RBFOX2: variants seen among roughly 807,000 people sequenced by gnomAD.
RBFOX2 encodes RNA binding protein fox-1 homolog 2.
In RBFOX2, 10 loss-of-function variants were observed where a neutral mutation model predicts 49.1. The ratio of observed to expected loss-of-function variants is 0.20; its 90% CI spans 0.13 to 0.35. RBFOX2 has a LOEUF of 0.35. Among genes scored for constraint, RBFOX2 ranks in the 10% least tolerant of loss-of-function variants. The probability of loss-of-function intolerance (pLI) is 1.00; values close to 1 mark genes in which losing one functional copy is unlikely to be tolerated. For missense variants in RBFOX2, 323 were observed against 486.9 expected (o/e 0.66, Z 3.17); for synonymous variants, 183 against 187.4 (o/e 0.98, Z 0.19).
upstream of RBFOX2, among the ~76,000 whole-genome samples, chr22:35,941,857 GCACTCTTCTTTATTTCCTACCTCT>G (rs1370622616): frequency 1.3e-5 from 2 of 152,160 alleles, no homozygotes; most frequent in Non-Finnish European, 2.9e-5. Flanking sequence ...ACCTGCCTTA[GCACTCTTCTTTATTTCCTACCTCT>G]CAGATAAGGC....
At chr22:35,856,649 A>G (rs1453413275) in intron 1 of RBFOX2, among the ~76,000 whole-genome samples, 7 of 151,856 alleles carry the variant, frequency 4.6e-5, no homozygotes, top group Admixed American at 1.3e-4. Flanking sequence ...AAAAAAGAGC[A>G]AAAGAGCTAG....
At position 35,781,486 on chromosome 22, in the gene RBFOX2, G is replaced by C. The variant is rs932324578; in HGVS notation, c.399+114C>G. 5.2e-6 allele frequency: 7 copies of C among 1,337,414 alleles called. No individual in the cohort carries two copies. In the African/African-American group the frequency reaches 1.0e-4, roughly 20 times the overall value. The allele number at this position is 1,337,414 out of a possible 1,614,324, so 82.8% of individuals were successfully genotyped here. On this transcript the variant is annotated intron_variant, in intron 3 of 11. Coordinates refer to ENST00000405409, the Ensembl canonical transcript of RBFOX2. ...CTGATGAAAAGACTGATTTACCTCA[G>C]GTTCTTTCAATCTATTTGTAGTTTA...
intron 1 of RBFOX2, among the ~76,000 whole-genome samples, chr22:35,982,691 T>C (rs1407307090): frequency 1.3e-5 from 2 of 152,084 alleles, no homozygotes; most frequent in African/African-American, 2.4e-5. Flanking sequence ...CAATGGAACA[T>C]GTTGAGTGCA....
At chr22:36,020,774 AG>A (rs1346519185) in intron 1 of RBFOX2, among the ~76,000 whole-genome samples, 1 of 152,244 alleles carries the variant, frequency 6.6e-6, no homozygotes, top group Non-Finnish European at 1.5e-5. Flanking sequence ...GTGGAGAAAT[AG>A]GAACACTTTT....
At chr22:35,867,446 T>C (rs906025482) in intron 1 of RBFOX2, among the ~76,000 whole-genome samples, 1 of 152,228 alleles carries the variant, frequency 6.6e-6, no homozygotes, top group Non-Finnish European at 1.5e-5. Flanking sequence ...TTTCTTCCTT[T>C]GGAGTTACCA....
At chr22:35,834,004 T>C (rs186208172) in intron 1 of RBFOX2, among the ~76,000 whole-genome samples, 9 of 152,344 alleles carry the variant, frequency 5.9e-5, no homozygotes, top group Admixed American at 5.2e-4. Context: ...ACTGCAAGTG[T>C]TTTATCAAAG....
At chr22:35,883,075 G>A (rs2046127038) in intron 1 of RBFOX2, among the ~76,000 whole-genome samples, 1 of 152,158 alleles carries the variant, frequency 6.6e-6, no homozygotes, top group African/African-American at 2.4e-5. Flanking sequence ...TCAACACTGG[G>A]AAAAGAATTC....
intron 1 of RBFOX2, among the ~76,000 whole-genome samples, chr22:35,937,551 C>T (rs1253293542): frequency 2.0e-5 from 3 of 152,034 alleles, no homozygotes; most frequent in Non-Finnish European, 2.9e-5. Flanking sequence ...GATTATCAAC[C>T]ATCCTAGTTT....
At chr22:35,883,555 C>T (rs969038790) in intron 1 of RBFOX2, among the ~76,000 whole-genome samples, 9 of 152,178 alleles carry the variant, frequency 5.9e-5, no homozygotes, top group African/African-American at 2.2e-4. Flanking sequence ...AATTTCATCA[C>T]CCTCTGCCAA....
At chr22:35,865,196 A>G (rs1461397297) in intron 1 of RBFOX2, among the ~76,000 whole-genome samples, 7 of 152,346 alleles carry the variant, frequency 4.6e-5, no homozygotes, top group South Asian at 2.1e-4. Flanking sequence ...GGCATGATTA[A>G]TAAGATTAAA....
At chr22:35,882,517 A>G (rs1478692817) in intron 1 of RBFOX2, among the ~76,000 whole-genome samples, 2 of 152,232 alleles carry the variant, frequency 1.3e-5, no homozygotes, top group East Asian at 3.8e-4. Context: ...GGTCAAGAGT[A>G]TTATTTTTAA....
upstream of RBFOX2, among the ~76,000 whole-genome samples, chr22:35,841,684 G>T (rs973999001): frequency 1.3e-5 from 2 of 151,922 alleles, no homozygotes; most frequent in African/African-American, 4.8e-5. Context: ...CTACCCAAAG[G>T]TTAAAAAGAT....
chr22:36,026,255 C>CAA (rs796104651), intron 1 of RBFOX2, among the ~76,000 whole-genome samples: 11 of 83,674 alleles, frequency 1.3e-4, no homozygotes, highest in African/African-American at 3.6e-4. Flanking sequence ...CCAGCCTGGG[C>CAA]AAAAAAAAAA....
intron 1 of RBFOX2, among the ~76,000 whole-genome samples, chr22:36,021,599 A>G (rs2146532802): frequency 6.6e-6 from 1 of 152,164 alleles, no homozygotes; most frequent in East Asian, 1.9e-4. Context: ...TATCCTCCAG[A>G]GAAATATCTC....
chr22:35,869,094 C>G (rs1197075262), intron 1 of RBFOX2, among the ~76,000 whole-genome samples: 1 of 152,212 alleles, frequency 6.6e-6, no homozygotes, highest in Non-Finnish European at 1.5e-5. Context: ...CCCCACCCCA[C>G]TGTGATTCTT....
intron 1 of RBFOX2, among the ~76,000 whole-genome samples, chr22:35,898,738 T>C (rs1450240442): frequency 6.6e-6 from 1 of 152,098 alleles, no homozygotes; most frequent in African/African-American, 2.4e-5. Flanking sequence ...CAGTCATTCA[T>C]TCTTAACCAA....
intron 1 of RBFOX2, among the ~76,000 whole-genome samples, chr22:35,849,298 A>AAC (rs61515031): frequency 0.071 from 9,413 of 133,234 alleles, 282 homozygotes; most frequent in Middle Eastern, 0.11. Flanking sequence ...TACACACACA[A>AAC]ACACACACAC....
At chr22:35,766,935 G>A (rs1022173123) in intron 5 of RBFOX2, among the ~76,000 whole-genome samples, 1 of 152,088 alleles carries the variant, frequency 6.6e-6, no homozygotes, top group East Asian at 1.9e-4. Flanking sequence ...GAAAAAGAGA[G>A]TAAGGTAGGG....
upstream of RBFOX2, among the ~76,000 whole-genome samples, chr22:35,939,591 T>C (rs1165209499): frequency 2.0e-5 from 3 of 152,178 alleles, no homozygotes; most frequent in African/African-American, 4.8e-5. Flanking sequence ...TTACTTTTTA[T>C]GTTACTTATG....
Sources: gnomAD v4.1 joint callset for allele counts (sites outside exome capture counted in the v4.1 genomes callset) on GRCh38, gnomAD v4.1.1 for gene constraint, MANE v1.5 for transcripts, NCBI Gene and HGNC (gene_info 2026-07-23, HGNC 2026-07-21) for gene names.